Variants in FGF13 observed in about 807,000 individuals in gnomAD.
FGF13 encodes the protein fibroblast growth factor 13.
A neutral mutation model predicts 19.5 loss-of-function variants in FGF13; 2 were observed. The observed-to-expected ratio is 0.10, with a 90% CI of 0.04 to 0.32. The LOEUF is 0.32. FGF13 is among the 10% of genes least tolerant of loss of function. The pLI, the probability that FGF13 is intolerant of heterozygous loss-of-function variation, is 1.00. For synonymous variants in FGF13, 72 were observed against 76.9 expected (o/e 0.94, Z 0.33); for missense variants, 113 against 192.7 (o/e 0.59, Z 2.45).
chrX:139,123,454 T>C lies in FGF13; in HGVS notation c.-113+79962A>G, dbSNP rs778264624. ...CAAGCAGATCTTGAGCACAGATGCT[T>C]TGTACTTACTCTTCTCTCTCCCAGG... On this transcript the variant is annotated intron_variant, in intron 1 of 2. Coordinates refer to the FGF13 transcript ENST00000421460. Among the ~76,000 whole-genome samples, 3 of 111,415 alleles carry C rather than the reference T, an allele frequency of 2.7e-5. No individual in the cohort carries two copies. The East Asian group carries it at 8.6e-4, about 32-fold the overall frequency.
intron 3 of FGF13, among the ~76,000 whole-genome samples, chrX:138,748,535 G>C (rs913797992): frequency 1.8e-5 from 2 of 111,901 alleles, no homozygotes; most frequent in African/African-American, 6.5e-5. Context: ...CCAGAACTGA[G>C]AGAAAAATCC....
At chrX:139,028,604 T>TGTGTGTGAGAGAGAGAGAGAGAGA (rs2092210494) in intron 1 of FGF13, among the ~76,000 whole-genome samples, 1 of 52,037 alleles carries the variant, frequency 1.9e-5, no homozygotes, top group African/African-American at 7.6e-5. Context: ...TGTGTGTGTG[T>TGTGTGTGAGAGAGAGAGAGAGAGA]GTGTGTGTGT....
At chrX:138,852,980 A>G (rs983618049), downstream of FGF13, among the ~76,000 whole-genome samples, 6 of 111,603 alleles carry the variant, frequency 5.4e-5, no homozygotes, top group Admixed American at 5.7e-4. Context: ...ATCACTGATA[A>G]TTAAAGAAAT....
chrX:139,055,370 T>C (rs1490026450), intron 1 of FGF13, among the ~76,000 whole-genome samples: 1 of 112,417 alleles, frequency 8.9e-6, no homozygotes, highest in African/African-American at 3.2e-5. Flanking sequence ...TTTTATCTCC[T>C]GTTATGCTTC....
At chrX:139,003,171 G>A (rs761116941) in intron 1 of FGF13, among the ~76,000 whole-genome samples, 18 of 110,899 alleles carry the variant, frequency 1.6e-4, no homozygotes, top group South Asian at 1.2e-3. Context: ...ATATGTGTTC[G>A]CAGTTTCTTC....
intron 1 of FGF13, among the ~76,000 whole-genome samples, chrX:139,073,035 T>C (rs1350531409): frequency 9.0e-6 from 1 of 111,582 alleles, no homozygotes; most frequent in East Asian, 2.8e-4. Flanking sequence ...TGTCATCGTA[T>C]ACTTTCTCTC....
intron 2 of FGF13, among the ~76,000 whole-genome samples, chrX:138,707,456 G>A (rs1446047870): frequency 9.0e-6 from 1 of 110,668 alleles, no homozygotes; most frequent in Non-Finnish European, 1.9e-5. Context: ...TGGAAAGCAG[G>A]GCAGCTTACA....
At chrX:139,133,336 G>A (rs1463698391) in intron 1 of FGF13, among the ~76,000 whole-genome samples, 2 of 94,777 alleles carry the variant, frequency 2.1e-5, no homozygotes, top group African/African-American at 8.2e-5. Context: ...CTCAAGCTGG[G>A]ACCACGTGAA....
chrX:138,738,520 A>G (rs929533992), intron 1 of FGF13, among the ~76,000 whole-genome samples: 17 of 111,802 alleles, frequency 1.5e-4, no homozygotes, highest in African/African-American at 5.5e-4. Flanking sequence ...CTTTTCAAAG[A>G]GACTTGAAAC....
intron 3 of FGF13, among the ~76,000 whole-genome samples, chrX:138,820,143 T>A (rs2090988841): frequency 8.9e-6 from 1 of 112,226 alleles, no homozygotes; most frequent in Non-Finnish European, 1.9e-5. Flanking sequence ...ACAAAAATTC[T>A]TTTATTTAAG....
chrX:138,625,499 A>ATATATATATATAATATATATATATACG lies in FGF13; in HGVS notation c.*7350_*7351insCGTATATATATATATTATATATATATA, dbSNP rs2089053340. On this transcript the variant is annotated 3_prime_UTR_variant, in exon 5 of 5. Coordinates refer to ENST00000315930, the MANE Select transcript of FGF13 (RefSeq NM_004114.5). ...ATATATATATAATATATATATATAC[A>ATATATATATATAATATATATATATACG]TATATATATATAATATAATATATAT... is the stretch of plus-strand genomic sequence containing the variant. The ATATATATATATAATATATATATATACG allele has an allele frequency of 3.3e-5, 3 of 89,835 alleles. No individual in the cohort carries two copies. In the Admixed American group the frequency reaches 3.8e-4, roughly 11 times the overall value. 7.4% of individuals were successfully genotyped at this position (89,835 alleles called of 1,213,427 possible).
chrX:138,998,962 G>C (rs1050194964), intron 1 of FGF13, among the ~76,000 whole-genome samples: 2 of 112,091 alleles, frequency 1.8e-5, no homozygotes, highest in African/African-American at 6.5e-5. Flanking sequence ...AAATGTAAAA[G>C]AAGAGACATC....
chrX:138,805,803 A>T (rs2090862288), intron 3 of FGF13, among the ~76,000 whole-genome samples: 3 of 111,753 alleles, frequency 2.7e-5, no homozygotes, highest in Non-Finnish European at 3.8e-5. Context: ...TTTAGATCTT[A>T]TTCATCTTGC....
intron 3 of FGF13, among the ~76,000 whole-genome samples, chrX:138,675,259 C>T (rs1226350287): frequency 8.9e-6 from 1 of 112,098 alleles, no homozygotes; most frequent in Non-Finnish European, 1.9e-5. Flanking sequence ...TTGTACGATG[C>T]AAACGCAGAG....
rs1309024690 is a variant in FGF13 at position 138,628,867 on chromosome X, G to C, written c.*3983C>G. ...TCCTTTAAGGATTCCATGGCAATGA[G>C]CATGTCCTCTCTTTGGATACAAACA... On this transcript the variant is annotated 3_prime_UTR_variant, in exon 5 of 5. Transcript: ENST00000315930. 1 of 112,060 alleles carries C rather than the reference G, an allele frequency of 8.9e-6. No individual in the cohort carries two copies. The highest frequency in any genetic ancestry group is 1.9e-5 in the Non-Finnish European group (1 of 53,261). 9.2% of individuals were successfully genotyped at this position (112,060 alleles called of 1,213,427 possible). A position where few individuals can be genotyped will look rare whatever the true frequency, so the allele number is the denominator to read the frequency against.
At chrX:139,026,057 T>C (rs1173012950) in intron 1 of FGF13, among the ~76,000 whole-genome samples, 1 of 111,353 alleles carries the variant, frequency 9.0e-6, no homozygotes, top group African/African-American at 3.3e-5. Context: ...GACATGTGTA[T>C]GCTTAATGTG....
chrX:138,989,693 A>G (rs1383385161), intron 1 of FGF13, among the ~76,000 whole-genome samples: 1 of 111,189 alleles, frequency 9.0e-6, no homozygotes, highest in Non-Finnish European at 1.9e-5. Flanking sequence ...ATGCAGACAT[A>G]AAAATAATTA....
intron 3 of FGF13, among the ~76,000 whole-genome samples, chrX:138,670,308 T>A (rs2089598271): frequency 8.9e-6 from 1 of 111,760 alleles, no homozygotes; most frequent in African/African-American, 3.2e-5. Context: ...CCTTTATACG[T>A]ATAGAACAAA....
At chrX:138,790,347 A>C (rs1238039433) in intron 3 of FGF13, among the ~76,000 whole-genome samples, 1 of 110,002 alleles carries the variant, frequency 9.1e-6, no homozygotes, top group East Asian at 2.9e-4. Flanking sequence ...CCACCTCCTA[A>C]TATCATCACA....
Sources: gnomAD v4.1 joint callset for allele counts (sites outside exome capture counted in the v4.1 genomes callset) on GRCh38, gnomAD v4.1.1 for gene constraint, MANE v1.5 for transcripts, NCBI Gene and HGNC (gene_info 2026-07-23, HGNC 2026-07-21) for gene names.